ASPA: variants seen among roughly 807,000 people sequenced by gnomAD.
ASPA encodes ACY-2.
A neutral mutation model predicts 29.6 loss-of-function variants in ASPA; 25 were observed. The ratio of observed to expected loss-of-function variants is 0.85; its 90% CI spans 0.62 to 1.18. The LOEUF (loss-of-function observed/expected upper bound fraction) is 1.18, where lower values mean the gene tolerates loss of function less well. ASPA is among the 50% of genes most tolerant of loss of function. The pLI is 0.00. For missense variants in ASPA, 333 were observed against 385.7 expected, an observed-to-expected ratio of 0.86 and a Z score of 1.14; for synonymous variants, 131 against 130.3, an observed-to-expected ratio of 1.01 and a Z score of -0.04.
At position 3,480,103 on chromosome 17, in the gene ASPA, T is replaced by C. The variant is rs563620949; in HGVS notation, c.237-1500T>C. ...GTGGTTCCTGGACCTCAATTAAGAATCTCTAATTAGGCCAGGTGTGGCTGC... is the reference window on the plus strand; with the variant it reads ...GTGGTTCCTGGACCTCAATTAAGAACCTCTAATTAGGCCAGGTGTGGCTGC... On this transcript the variant is annotated intron_variant, in intron 1 of 5. Coordinates refer to ENST00000263080, the MANE Select transcript of ASPA (RefSeq NM_000049.4). 1.6e-4 allele frequency among the ~76,000 whole-genome samples: 24 copies of C among 152,222 alleles called. No individual in the cohort carries two copies. The South Asian group carries it at 5.0e-3, about 32-fold the overall frequency.
At chr17:3,475,480 G>C (rs2073507324), upstream of ASPA, 1 of 152,354 alleles carries the variant, frequency 6.6e-6, no homozygotes, top group African/African-American at 2.4e-5. Context: ...TCATGAGAAA[G>C]AAATGAAGGG....
upstream of ASPA, chr17:3,475,722 C>T (rs2073511446): frequency 5.4e-6 from 1 of 184,248 alleles, no homozygotes; most frequent in African/African-American, 2.4e-5. Context: ...CTGAGTGGGC[C>T]ACTTTTTTAT....
chr17:3,486,181 G>A (rs988001106), intron 3 of ASPA, among the ~76,000 whole-genome samples: 12 of 152,074 alleles, frequency 7.9e-5, no homozygotes, highest in African/African-American at 1.4e-4. Context: ...TGATCCACCC[G>A]CCTCGGCCTC....
intron 4 of ASPA, among the ~76,000 whole-genome samples, 196 bp downstream of exon 4, chr17:3,489,538 C>T (rs2073786496): frequency 6.6e-6 from 1 of 151,948 alleles, no homozygotes; most frequent in Admixed American, 6.6e-5. Flanking sequence ...ACATTAAATC[C>T]TTATTTCCTG....
intron 2 of ASPA, among the ~76,000 whole-genome samples, chr17:3,482,101 G>A (rs371956889): frequency 6.6e-6 from 1 of 152,118 alleles, no homozygotes; most frequent in East Asian, 1.9e-4. Context: ...ACCAGATGGT[G>A]GGGTATTTGT....
rs551109817 is a variant in ASPA, at chr17:3,488,684, T to C, written c.527-551T>C. Among the ~76,000 whole-genome samples, 6 of 152,022 alleles carry C rather than the reference T, an allele frequency of 3.9e-5. No individual in the cohort carries two copies. The highest frequency in any genetic ancestry group is 1.2e-4 in the African/African-American group (5 of 41,480). On this transcript the variant is annotated intron_variant, in intron 3 of 5. Transcript: ENST00000263080. The surrounding 1 kb of genome is among the most constrained non-coding windows in gnomAD (Gnocchi z 6.1). ...AAAAATAAATAAATAAATAAAACCA[T>C]TGCACTATTGTGTTAGGATGGATTG...
intron 3 of ASPA, among the ~76,000 whole-genome samples, chr17:3,487,851 C>G (rs954259907): frequency 3.9e-5 from 6 of 152,172 alleles, no homozygotes; most frequent in African/African-American, 1.2e-4. Flanking sequence ...TTGGGGTAGG[C>G]AAACGACAAT....
At chr17:3,492,787 C>T (rs2073846511) in intron 4 of ASPA, among the ~76,000 whole-genome samples, 1 of 152,138 alleles carries the variant, frequency 6.6e-6, no homozygotes, top group Admixed American at 6.5e-5. Flanking sequence ...GTAAGGCCAT[C>T]CCATAGGATC....
chr17:3,490,306 A>ATTTATTTAT lies in ASPA; in HGVS notation c.634+964_634+965insTTTATTTAT, dbSNP rs566010628. On this transcript the variant is annotated intron_variant, in intron 4 of 5. Transcript: ENST00000263080. The surrounding 1 kb of genome is among the most constrained non-coding windows in gnomAD (Gnocchi z 4.6). ...AAGGTGGGTATATGCAGCTCTATGC[A>ATTTATTTAT]CTATCTGCTCATTTATTTGGTAAAT... Among the ~76,000 whole-genome samples the ATTTATTTAT allele has an allele frequency of 9.4e-4, 143 of 152,340 alleles. 2 individuals carry two copies. The East Asian group carries it at 0.025, about 26-fold the overall frequency.
In ASPA at chr17:3,477,483, C is replaced by T. The variant is rs562263818; in HGVS notation, c.236+1088C>T. Among the ~76,000 whole-genome samples, 36 of 152,116 alleles carry T rather than the reference C, an allele frequency of 2.4e-4. 1 individual carries two copies. In the East Asian group the frequency reaches 2.9e-3, roughly 12 times the overall value. ...TCTTTCTCTTTTTGAGATGGAGTTT[C>T]GCTCTTGTTGCCCAGTCTGGAGTGC... is the stretch of plus-strand genomic sequence containing the variant. On this transcript the variant is annotated intron_variant, in intron 1 of 5. Coordinates refer to ENST00000263080, the MANE Select transcript of ASPA (RefSeq NM_000049.4).
chr17:3,493,676 C>T (rs2073863242), intron 4 of ASPA, among the ~76,000 whole-genome samples: 1 of 152,002 alleles, frequency 6.6e-6, no homozygotes, highest in Non-Finnish European at 1.5e-5. Flanking sequence ...TGGAAGGGTC[C>T]TCCAAGATAA....
rs2073708953 is a variant in ASPA, at chr17:3,485,859, C to T, written c.526+2267C>T. 6.6e-6 allele frequency among the ~76,000 whole-genome samples: 1 copy of T among 152,018 alleles called. No individual in the cohort carries two copies. Among genetic ancestry groups the T allele is most frequent in the African/African-American group, 2.4e-5 (1 of 41,372 alleles). On this transcript the variant is annotated intron_variant, in intron 3 of 5. Coordinates refer to ENST00000263080, the MANE Select transcript of ASPA (RefSeq NM_000049.4). The surrounding 1 kb of genome is among the most constrained non-coding windows in gnomAD (Gnocchi z 4.4). ...GCATTTCTGCACCATTACCCAAGCT[C>T]CAGTTCCCACAGGGTGACATAGAGA...
At chr17:3,493,560 C>CAA (rs746229421) in intron 4 of ASPA, among the ~76,000 whole-genome samples, 4,535 of 53,088 alleles carry the variant, frequency 0.085, 440 homozygotes, top group African/African-American at 0.23. Flanking sequence ...GGTTCCATCT[C>CAA]AAAAAAAAAA....
At chr17:3,483,374 T>C in intron 2 of ASPA, 125 bp from the exon 3 acceptor site, 1 of 799,828 alleles carries the variant, frequency 1.3e-6, no homozygotes, top group Non-Finnish European at 2.2e-6. Context: ...AAGTATTTCA[T>C]AAAGCTGTCT....
intron 4 of ASPA, 101 bp downstream of exon 4, chr17:3,489,443 T>G: frequency 1.1e-6 from 1 of 940,586 alleles, no homozygotes; most frequent in Admixed American, 2.0e-5. Context: ...TATGAAGTGC[T>G]TTTTAAAATT....
intron 3 of ASPA, among the ~76,000 whole-genome samples, chr17:3,483,990 C>T (rs1365206206): frequency 2.0e-5 from 3 of 152,172 alleles, no homozygotes; most frequent in Non-Finnish European, 4.4e-5. Flanking sequence ...TTTACAGCTA[C>T]CTTCCATATC....
rs141755746 is a variant in ASPA, at chr17:3,483,525, C to A, written c.459C>A (p.Tyr153Ter). 1.9e-6 allele frequency: 3 copies of A among 1,614,086 alleles called. No homozygotes were observed. The highest frequency in any genetic ancestry group is 2.5e-6 in the Non-Finnish European group (3 of 1,179,994). The change falls in exon 3 of 6, where the codon TAC becomes TAA. Residue 153 changes from tyrosine to a stop codon, truncating the protein, a stop_gained. Coordinates refer to ENST00000263080, the MANE Select transcript of ASPA (RefSeq NM_000049.4). LOFTEE classifies it high-confidence loss of function. The part of the protein sequence containing the change: ...IKTSLAPLPC[Y>*]VYLIEHPSLK... ...CTTCTCTGGCTCCACTACCCTGCTA[C>A]GTTTATCTGATTGAGCATCCTTCCC...
intron 1 of ASPA, among the ~76,000 whole-genome samples, chr17:3,478,584 G>C (rs2073572381): frequency 6.6e-6 from 1 of 152,158 alleles, no homozygotes. Flanking sequence ...TTCCCAAATA[G>C]GTGTGAAATG....
chr17:3,480,833 A>T (rs1028372589), intron 1 of ASPA, among the ~76,000 whole-genome samples: 5 of 152,240 alleles, frequency 3.3e-5, no homozygotes, highest in Non-Finnish European at 5.9e-5. Context: ...TAGCTTGGAG[A>T]TTAGAAGCAA....
Sources: allele counts gnomAD v4.1 joint callset (sites outside exome capture counted in the v4.1 genomes callset), GRCh38; gene constraint gnomAD v4.1.1; non-coding constraint Gnocchi (gnomAD v3.1); transcripts MANE v1.5; gene names NCBI Gene and HGNC (gene_info 2026-07-23, HGNC 2026-07-21).